The following SCFD2 variants were observed in gnomAD, a reference collection of about 807,000 sequenced individuals.
SCFD2 encodes the protein sec1 family domain containing 2, also known as sec1 family domain-containing protein 2.
Under a neutral mutation model 58.9 loss-of-function variants are expected in SCFD2, and 54 were observed. The ratio of observed to expected loss-of-function variants is 0.92; its 90% CI spans 0.74 to 1.15. SCFD2 has a LOEUF of 1.15. Ranked by LOEUF, SCFD2 falls within the 50% of genes most tolerant of loss-of-function variation. The probability of loss-of-function intolerance (pLI) is 0.00; values close to 1 mark genes in which losing one functional copy is unlikely to be tolerated. For synonymous variants in SCFD2, 321 were observed against 335.9 expected (o/e 0.96, Z 0.49); for missense variants, 805 against 836.6 (o/e 0.96, Z 0.47).
intron 2 of SCFD2, among the ~76,000 whole-genome samples, chr4:53,348,361 T>C (rs10517292): frequency 0.12 from 17,519 of 152,270 alleles, 1,126 homozygotes; most frequent in East Asian, 0.22. Flanking sequence ...ACTAACATTT[T>C]TATCCTTACT....
chr4:52,887,572 C>T (rs1374322221), intron 7 of SCFD2, among the ~76,000 whole-genome samples: 1 of 152,108 alleles, frequency 6.6e-6, no homozygotes, highest in African/African-American at 2.4e-5. Context: ...AATCAGTCAC[C>T]AGAAGGGTGG....
chr4:53,005,807 T>C (rs2148803378), intron 5 of SCFD2, among the ~76,000 whole-genome samples: 1 of 152,316 alleles, frequency 6.6e-6, no homozygotes, highest in South Asian at 2.1e-4. Context: ...TAGATTCTAC[T>C]GAAACCTTCT....
intron 8 of SCFD2, 36 bp downstream of exon 8, chr4:52,885,711 T>G (rs1718722790): frequency 6.2e-7 from 1 of 1,611,820 alleles, no homozygotes; most frequent in East Asian, 2.2e-5. Context: ...CACCCCTACT[T>G]CTGAGCTCTT....
chr4:53,341,318 T>G (rs1304023478), intron 2 of SCFD2, among the ~76,000 whole-genome samples: 6 of 152,102 alleles, frequency 3.9e-5, no homozygotes, highest in African/African-American at 1.4e-4. Flanking sequence ...ATGCACAAGC[T>G]TCAGTAGCCA....
intron 5 of SCFD2, among the ~76,000 whole-genome samples, chr4:53,110,542 C>A (rs1372968522): frequency 5.3e-5 from 8 of 152,126 alleles, no homozygotes; most frequent in Non-Finnish European, 8.8e-5. Flanking sequence ...AACAAATTTA[C>A]AAGAAAACAA....
intron 4 of SCFD2, among the ~76,000 whole-genome samples, chr4:53,271,058 G>A (rs1276351454): frequency 6.6e-6 from 1 of 151,478 alleles, no homozygotes; most frequent in African/African-American, 2.4e-5. Flanking sequence ...TTTTTGCCTT[G>A]ATGGAAAAAA....
chr4:52,875,802 C>CTATA lies in SCFD2; in HGVS notation c.1963-1745_1963-1742dup, dbSNP rs3052566. ...CTTCTTGAAAGAGGATTATCTTTAA[C>CTATA]TATATATATATATATATATATATAT... On this transcript the variant is annotated intron_variant, in intron 8 of 8. Coordinates refer to ENST00000401642, the MANE Select transcript of SCFD2 (RefSeq NM_152540.4). Among the ~76,000 whole-genome samples the CTATA allele has an allele frequency of 3.9e-3, 236 of 61,122 alleles. 11 individuals carry two copies. The highest frequency in any genetic ancestry group is 5.8e-3 in the Non-Finnish European group (173 of 30,080). The allele number at this position is 61,122 out of a possible 152,430, so 40.1% of individuals were successfully genotyped here.
At chr4:52,949,422 T>C (rs1404015033) in intron 5 of SCFD2, 1 of 152,206 alleles carries the variant, frequency 6.6e-6, no homozygotes, top group African/African-American at 2.4e-5. Context: ...TGCATTCATC[T>C]CCCACAGCCA....
At chr4:53,255,849 C>A (rs7681649) in intron 4 of SCFD2, among the ~76,000 whole-genome samples, 14,231 of 143,272 alleles carry the variant, frequency 0.099, 1,129 homozygotes, top group East Asian at 0.2. Flanking sequence ...GGGCTGACCC[C>A]CCCACCTCCA....
chr4:53,235,557 A>G (rs1476617074), intron 4 of SCFD2, among the ~76,000 whole-genome samples: 2 of 152,338 alleles, frequency 1.3e-5, no homozygotes, highest in East Asian at 1.9e-4. Flanking sequence ...AATAATGTCA[A>G]TAAACGAGAA....
At chr4:53,166,506 G>A (rs1448254480) in intron 4 of SCFD2, among the ~76,000 whole-genome samples, 1 of 152,088 alleles carries the variant, frequency 6.6e-6, no homozygotes, top group Non-Finnish European at 1.5e-5. Context: ...GGTACATAGA[G>A]AGATTGGAGG....
At chr4:53,323,065 T>C (rs554756188) in intron 2 of SCFD2, among the ~76,000 whole-genome samples, 340 of 152,374 alleles carry the variant, frequency 2.2e-3, no homozygotes, top group Non-Finnish European at 3.8e-3. Context: ...CCAGTATCTA[T>C]CACTTTGGTA....
chr4:53,036,088 C>A (rs1252815806), intron 5 of SCFD2, among the ~76,000 whole-genome samples: 1 of 151,392 alleles, frequency 6.6e-6, no homozygotes, highest in African/African-American at 2.4e-5. Flanking sequence ...ACTTTAAGTT[C>A]TAGGGTACAT....
chr4:53,267,242 G>A (rs980472308), intron 4 of SCFD2, among the ~76,000 whole-genome samples: 6 of 152,090 alleles, frequency 3.9e-5, no homozygotes, highest in African/African-American at 1.4e-4. Context: ...AAATTTCTTG[G>A]TGGCTCTAAA....
chr4:53,220,239 C>T (rs1039503437), intron 4 of SCFD2, among the ~76,000 whole-genome samples: 2 of 152,204 alleles, frequency 1.3e-5, no homozygotes, highest in Non-Finnish European at 1.5e-5. Context: ...AGAGCCAATA[C>T]AGCAAGGACA....
intron 5 of SCFD2, among the ~76,000 whole-genome samples, chr4:53,038,275 T>C (rs1722812656): frequency 6.6e-6 from 1 of 152,274 alleles, no homozygotes; most frequent in African/African-American, 2.4e-5. Context: ...TGGAATCCAA[T>C]AGAACTCCAG....
intron 2 of SCFD2, among the ~76,000 whole-genome samples, chr4:53,328,482 C>A (rs1303069129): frequency 1.3e-5 from 2 of 151,846 alleles, no homozygotes. Context: ...TCTCATTGAC[C>A]AAATATGGGA....
intron 2 of SCFD2, among the ~76,000 whole-genome samples, chr4:53,323,806 G>A (rs114623448): frequency 0.017 from 2,544 of 152,026 alleles, 74 homozygotes; most frequent in African/African-American, 0.058. Flanking sequence ...GAGCTCTATG[G>A]TGTTGCTTAA....
intron 5 of SCFD2, among the ~76,000 whole-genome samples, chr4:53,003,701 G>T (rs1261452776): frequency 6.6e-6 from 1 of 152,214 alleles, no homozygotes; most frequent in Admixed American, 6.5e-5. Flanking sequence ...ATATCTCCCA[G>T]AGGAGACAGA....
Sources: gnomAD v4.1 joint callset for allele counts (sites outside exome capture counted in the v4.1 genomes callset) on GRCh38, gnomAD v4.1.1 for gene constraint, MANE v1.5 for transcripts, NCBI Gene and HGNC (gene_info 2026-07-23, HGNC 2026-07-21) for gene names.